The following CACNA2D4 variants were observed in gnomAD, a reference collection of about 807,000 sequenced individuals.
CACNA2D4 encodes the protein calcium voltage-gated channel auxiliary subunit alpha2delta 4.
Under a neutral mutation model 163.8 loss-of-function variants are expected in CACNA2D4, and 157 were observed. The ratio of observed to expected loss-of-function variants is 0.96; its 90% CI spans 0.84 to 1.09. CACNA2D4 has a LOEUF of 1.09. CACNA2D4 is among the 50% of genes least tolerant of loss of function. The pLI is 0.00. For missense variants in CACNA2D4, 1,410 were observed against 1,479.9 expected, an observed-to-expected ratio of 0.95 and a Z score of 0.78; for synonymous variants, 598 against 586.9, an observed-to-expected ratio of 1.02 and a Z score of -0.27.
At chr12:1,837,718 G>C (rs1864914395) in intron 26 of CACNA2D4, among the ~76,000 whole-genome samples, 1 of 152,174 alleles carries the variant, frequency 6.6e-6, no homozygotes, top group African/African-American at 2.4e-5. Flanking sequence ...GCCTTCCCCA[G>C]GTGGTGATAA....
rs1865734777 is a variant in CACNA2D4 at position 1,869,954 on chromosome 12, G to C, written c.1878+4650C>G. On this transcript the variant is annotated intron_variant, in intron 18 of 37. Coordinates refer to ENST00000382722, the MANE Select transcript of CACNA2D4 (RefSeq NM_172364.5). The surrounding 1 kb of genome is among the most constrained non-coding windows in gnomAD (Gnocchi z 4.7). The stretch of plus-strand genomic sequence containing the variant: ...GTAGATACTCTTGTCTTCCTTTGAA[G>C]GTGTTTTTGTATTAAGCAGTAGTTA... Among the ~76,000 whole-genome samples the C allele has an allele frequency of 6.6e-6, 1 of 152,188 alleles. No individual in the cohort carries two copies. Among genetic ancestry groups the C allele is most frequent in the South Asian group, 2.1e-4 (1 of 4,824 alleles).
chr12:1,801,607 A>G lies in CACNA2D4; in HGVS notation c.2759T>C (p.Leu920Pro). 6.3e-7 allele frequency: 1 copy of G among 1,591,934 alleles called. No homozygotes were observed. The highest frequency in any genetic ancestry group is 1.1e-5 in the South Asian group (1 of 87,362). The part of the protein sequence containing the change: ...RFLGEVDGAV[L>P]TQLLSMGVFS... ...CACCCCCATGCTGAGCAGCTGGGTC[A>G]GGACAGCACCATCCACCTCCCCCAG... The change falls in exon 30 of 38, where the codon CTG becomes CCG. Residue 920 changes from leucine (L) to proline (P), a missense_variant. Coordinates refer to ENST00000382722, the MANE Select transcript of CACNA2D4 (RefSeq NM_172364.5).
chr12:1,830,798 C>T lies in CACNA2D4; in HGVS notation c.2551+9941G>A, dbSNP rs1287140376. 11 of 684,888 alleles carry T rather than the reference C, an allele frequency of 1.6e-5. 1 individual carries two copies. The highest frequency in any genetic ancestry group is 5.9e-5 in the South Asian group (3 of 50,874). 42.4% of individuals were successfully genotyped at this position (684,888 alleles called of 1,614,324 possible). ...ATTATGCTTTTATGTGGTTAATAAACGTTTATGCATTGATTGTGGCTTGTG... is the reference window on the plus strand; with the variant it reads ...ATTATGCTTTTATGTGGTTAATAAATGTTTATGCATTGATTGTGGCTTGTG... On this transcript the variant is annotated intron_variant, in intron 26 of 37. Coordinates refer to ENST00000382722, the MANE Select transcript of CACNA2D4 (RefSeq NM_172364.5).
Position 1,829,549 on chromosome 12 carries a change from A to C in CACNA2D4, c.2551+11190T>G, listed in dbSNP as rs1215358029. Among the ~76,000 whole-genome samples, 1 of 152,048 alleles carries C rather than the reference A, an allele frequency of 6.6e-6. No homozygotes were observed. Among genetic ancestry groups the C allele is most frequent in the Non-Finnish European group, 1.5e-5 (1 of 67,980 alleles). ...CCTGGGCCAGATCTAGCCACGTGTC[A>C]GCTCTCAGCTGTCATCGATCCTCCA... is the stretch of plus-strand genomic sequence containing the variant. On this transcript the variant is annotated intron_variant, in intron 26 of 37. Coordinates refer to ENST00000382722, the MANE Select transcript of CACNA2D4 (RefSeq NM_172364.5). The surrounding 1 kb of genome is among the most constrained non-coding windows in gnomAD (Gnocchi z 4.2).
rs1307510084 is a variant in CACNA2D4 at position 1,797,751 on chromosome 12, C to A, written c.2996-216G>T. The A allele has an allele frequency of 6.7e-6, 4 of 596,598 alleles. No individual in the cohort carries two copies. The East Asian group carries it at 8.5e-5, about 13-fold the overall frequency. 37.0% of individuals were successfully genotyped at this position (596,598 alleles called of 1,614,324 possible). On this transcript the variant is annotated intron_variant, in intron 34 of 37. Transcript: ENST00000382722. The stretch of plus-strand genomic sequence containing the variant: ...GAGGGTGGCTTGGCACGGGGAGCGC[C>A]GCAGGGGCCCTGAGCCTCGGTGGAG...
chr12:1,850,777 G>T (rs1200788382), intron 23 of CACNA2D4, among the ~76,000 whole-genome samples: 1 of 152,082 alleles, frequency 6.6e-6, no homozygotes, highest in East Asian at 1.9e-4. Flanking sequence ...CACCAGGCGT[G>T]GTGGCAGGTG....
intron 18 of CACNA2D4, among the ~76,000 whole-genome samples, chr12:1,866,853 G>A (rs1257956872): frequency 6.7e-6 from 1 of 148,848 alleles, no homozygotes; most frequent in Non-Finnish European, 1.5e-5. Flanking sequence ...GGCTGGTCAC[G>A]AACTCCTGGG....
rs779367411 is a variant in CACNA2D4 at position 1,854,012 on chromosome 12, C to G, written c.2185G>C (p.Asp729His). 3 of 1,613,032 alleles carry G rather than the reference C, an allele frequency of 1.9e-6. No individual in the cohort carries two copies. Among genetic ancestry groups the G allele is most frequent in the Non-Finnish European group, 8.5e-7 (1 of 1,179,388 alleles). ...DEELVREVLF[D>H]AVVTAPMEAY... ...TCCATGGGGGCTGTCACCACCGCGT[C>G]AAACAGCACCTCCCGGACCAGCTCC... Residue 729 changes from aspartate to histidine, a missense_variant, in exon 23 of 38, where the codon GAC (aspartate) becomes CAC (histidine). Coordinates refer to ENST00000382722, the MANE Select transcript of CACNA2D4 (RefSeq NM_172364.5).
At chr12:1,800,077 G>T (rs151123177) in intron 32 of CACNA2D4, 25 bp from the exon 33 acceptor site, 1 of 1,582,856 alleles carries the variant, frequency 6.3e-7, no homozygotes, top group African/African-American at 1.3e-5. Flanking sequence ...ACTGAATCTC[G>T]GAGACCTCTG....
intron 6 of CACNA2D4, among the ~76,000 whole-genome samples, chr12:1,896,629 AC>A (rs1866409121): frequency 1.4e-5 from 2 of 142,368 alleles, no homozygotes; most frequent in East Asian, 1.9e-4. Flanking sequence ...ACACACACAC[AC>A]ACACACACAC....
chr12:1,821,580 G>A (rs1370424895), intron 26 of CACNA2D4, among the ~76,000 whole-genome samples: 1 of 152,144 alleles, frequency 6.6e-6, no homozygotes, highest in Admixed American at 6.5e-5. Flanking sequence ...TCTGCAAATG[G>A]GTCAGGGAGC....
Position 1,855,671 on chromosome 12 carries a change from C to T in CACNA2D4, c.2152+341G>A, listed in dbSNP as rs180820482. Reference sequence around the variant, plus strand: ...CAGCCATTTGCCCAGAGGTCCACTTCTAGACAGTGGTAGGGAAAAAGATGA... The same window carrying T: ...CAGCCATTTGCCCAGAGGTCCACTTTTAGACAGTGGTAGGGAAAAAGATGA... On this transcript the variant is annotated intron_variant, in intron 22 of 37. Coordinates refer to ENST00000382722, the MANE Select transcript of CACNA2D4 (RefSeq NM_172364.5). Among the ~76,000 whole-genome samples the T allele has an allele frequency of 1.6e-4, 24 of 152,294 alleles. No homozygotes were observed. The East Asian group carries it at 4.1e-3, about 26-fold the overall frequency.
In CACNA2D4 at chr12:1,858,655, A is replaced by G. The variant is rs1306068268; in HGVS notation, c.1941-11T>C. On this transcript the variant is annotated splice_polypyrimidine_tract_variant and intron_variant, in intron 19 of 37. Coordinates refer to ENST00000382722, the MANE Select transcript of CACNA2D4 (RefSeq NM_172364.5). ...AGCACCACCCCCAAACTGTGGGGAG[A>G]GAAGAGAAGGCACTCATTCAGCAGC... 1 of 1,584,264 alleles carries G rather than the reference A, an allele frequency of 6.3e-7. No homozygotes were observed.
chr12:1,839,122 A>T (rs1158700985), intron 26 of CACNA2D4, among the ~76,000 whole-genome samples: 2 of 152,194 alleles, frequency 1.3e-5, no homozygotes, highest in Non-Finnish European at 2.9e-5. Context: ...GCAGGAAGAC[A>T]GAGCCCAGCC....
intron 2 of CACNA2D4, among the ~76,000 whole-genome samples, chr12:1,913,962 G>C (rs1023424240): frequency 6.6e-6 from 1 of 152,250 alleles, no homozygotes; most frequent in African/African-American, 2.4e-5. Context: ...TCCCCGGGCT[G>C]TGGTGCTCTG....
rs543082655 is a variant in CACNA2D4 at position 1,828,602 on chromosome 12, G to A, written c.2551+12137C>T. On this transcript the variant is annotated intron_variant, in intron 26 of 37. Coordinates refer to ENST00000382722, the MANE Select transcript of CACNA2D4 (RefSeq NM_172364.5). This position sits in a 1 kb window ranked among gnomAD's most constrained non-coding sequence, Gnocchi z 4.2. ...GTCGGCCTGTGTCACAGACTGCGGCGAGCCCTTTTGCTCCCGTGGGGAACT... is the reference window on the plus strand; with the variant it reads ...GTCGGCCTGTGTCACAGACTGCGGCAAGCCCTTTTGCTCCCGTGGGGAACT... Among the ~76,000 whole-genome samples, 65 of 152,328 alleles carry A rather than the reference G, an allele frequency of 4.3e-4. No homozygotes were observed. The highest frequency in any genetic ancestry group is 1.4e-3 in the South Asian group (7 of 4,832).
At chr12:1,848,699 T>A (rs1163177987) in intron 23 of CACNA2D4, among the ~76,000 whole-genome samples, 1 of 151,732 alleles carries the variant, frequency 6.6e-6, no homozygotes, top group African/African-American at 2.4e-5. Context: ...GCCAATGAGG[T>A]TTTTTCCAGT....
chr12:1,884,875 C>G lies in CACNA2D4; in HGVS notation c.1165G>C (p.Glu389Gln). Residue 389 changes from glutamate (E) to glutamine (Q), a missense_variant, in exon 11 of 38, where the codon GAG (glutamate) becomes CAG (glutamine). By Grantham distance (29) the Glu-to-Gln change is conservative (BLOSUM62 2). Coordinates refer to ENST00000382722, the MANE Select transcript of CACNA2D4 (RefSeq NM_172364.5). ...EAFQILKQFQ[E>Q]AKQGSLCNQA... is the part of the protein sequence containing the mutation. ...TTGCAGAGGCTTCCTTGCTTGGCCT[C>G]TTGGAACTGTGTAGGGAAGAGGAGT... is the stretch of plus-strand genomic sequence containing the variant. 6.2e-7 allele frequency: 1 copy of G among 1,613,710 alleles called. No homozygotes were observed. Among genetic ancestry groups the G allele is most frequent in the Non-Finnish European group, 8.5e-7 (1 of 1,179,666 alleles).
chr12:1,865,396 T>C (rs1865626765), intron 18 of CACNA2D4, among the ~76,000 whole-genome samples: 1 of 152,212 alleles, frequency 6.6e-6, no homozygotes, highest in Non-Finnish European at 1.5e-5. Flanking sequence ...CGCTGTCACG[T>C]GTCGCACTTC....
Sources: allele counts gnomAD v4.1 joint callset (sites outside exome capture counted in the v4.1 genomes callset), GRCh38; gene constraint gnomAD v4.1.1; non-coding constraint Gnocchi (gnomAD v3.1); transcripts MANE v1.5; gene names NCBI Gene and HGNC (gene_info 2026-07-23, HGNC 2026-07-21).